The following TRIM9 variants were observed in gnomAD, a reference collection of about 807,000 sequenced individuals.
The protein encoded by TRIM9 is E3 ubiquitin-protein ligase TRIM9.
Under a neutral mutation model 78.3 loss-of-function variants are expected in TRIM9, and 26 were observed. The observed-to-expected ratio is 0.33, with a 90% CI of 0.24 to 0.46. TRIM9 has a LOEUF of 0.46. TRIM9 is among the 20% of genes least tolerant of loss of function. TRIM9 has a pLI of 1.00. For synonymous variants in TRIM9, 398 were observed against 416.5 expected, an observed-to-expected ratio of 0.96 and a Z score of 0.54; for missense variants, 787 against 1,036.4, an observed-to-expected ratio of 0.76 and a Z score of 3.30.
At chr14:50,982,712 G>A (rs987324740) in intron 10 of TRIM9, 10 of 504,376 alleles carry the variant, frequency 2.0e-5, no homozygotes, top group East Asian at 1.2e-4. Context: ...CACAGTTTGC[G>A]TGCTACTCCT....
rs757535792 is a variant in TRIM9, at chr14:51,008,138, T to C, written c.1306+942A>G. Among the ~76,000 whole-genome samples the C allele has an allele frequency of 8.5e-5, 13 of 152,054 alleles. 1 individual carries two copies. Among genetic ancestry groups the C allele is most frequent in the Non-Finnish European group, 1.9e-4 (13 of 67,994 alleles). On this transcript the variant is annotated intron_variant, in intron 5 of 12. Transcript: ENST00000684578. ...GAAAAGATTAGGGGTTTCCAGAGAT[T>C]AGAGTTGGTGGAGGGGAGGGCTATG...
chr14:51,075,056 A>G (rs2062639985), intron 1 of TRIM9, among the ~76,000 whole-genome samples: 1 of 152,228 alleles, frequency 6.6e-6, no homozygotes, highest in South Asian at 2.1e-4. Flanking sequence ...AAACATCAGT[A>G]AGTCTAGATC....
chr14:51,066,126 G>A (rs1167043990), intron 1 of TRIM9, among the ~76,000 whole-genome samples: 2 of 132,056 alleles, frequency 1.5e-5, no homozygotes, highest in Admixed American at 7.6e-5. Context: ...GGAGGGGAGG[G>A]GAGGGGGAGG....
intron 6 of TRIM9, 61 bp from the exon 7 acceptor site, chr14:50,998,249 G>A: frequency 6.5e-7 from 1 of 1,543,606 alleles, no homozygotes; most frequent in Non-Finnish European, 8.9e-7. Context: ...GGCGAGGGAG[G>A]CAGTGTCGCT....
intron 3 of TRIM9, among the ~76,000 whole-genome samples, chr14:51,013,226 ATTTT>A (rs72053355): frequency 3.6e-5 from 5 of 140,034 alleles, no homozygotes; most frequent in Non-Finnish European, 3.1e-5. Flanking sequence ...GTCTAACTTC[ATTTT>A]TTTTTTTTTT....
At chr14:51,052,390 T>C (rs897842027) in intron 1 of TRIM9, among the ~76,000 whole-genome samples, 3 of 152,190 alleles carry the variant, frequency 2.0e-5, no homozygotes, top group African/African-American at 7.2e-5. Flanking sequence ...TTACCTCCTA[T>C]TGTATATCTG....
At chr14:50,980,281 C>G (rs1405704793) in intron 11 of TRIM9, among the ~76,000 whole-genome samples, 2 of 152,116 alleles carry the variant, frequency 1.3e-5, no homozygotes, top group Non-Finnish European at 2.9e-5. Flanking sequence ...CATACAAATG[C>G]CATTTTACAA....
intron 1 of TRIM9, among the ~76,000 whole-genome samples, chr14:51,086,501 G>A (rs1021833759): frequency 2.0e-5 from 3 of 152,158 alleles, no homozygotes; most frequent in African/African-American, 7.2e-5. Flanking sequence ...CTAGTTATTA[G>A]TCTTCCTCTA....
chr14:51,055,344 G>A (rs146824302), intron 1 of TRIM9, among the ~76,000 whole-genome samples: 1 of 152,316 alleles, frequency 6.6e-6, no homozygotes, highest in Non-Finnish European at 1.5e-5. Flanking sequence ...TAAAATGTGT[G>A]TGGTAGGTAG....
intron 3 of TRIM9, among the ~76,000 whole-genome samples, chr14:51,017,737 T>A (rs2057351048): frequency 6.6e-6 from 1 of 152,190 alleles, no homozygotes; most frequent in South Asian, 2.1e-4. Context: ...GTCACCCATA[T>A]CTGGGTTGAA....
At chr14:51,070,658 C>G (rs775196484) in intron 1 of TRIM9, among the ~76,000 whole-genome samples, 1 of 152,044 alleles carries the variant, frequency 6.6e-6, no homozygotes, top group Non-Finnish European at 1.5e-5. Context: ...GATTTTGTAG[C>G]ATTTTGGATT....
intron 1 of TRIM9, among the ~76,000 whole-genome samples, chr14:51,080,536 TA>T (rs34385335): frequency 0.018 from 2,772 of 150,080 alleles, 36 homozygotes; most frequent in Non-Finnish European, 0.026. Context: ...ATGTAAATAA[TA>T]AAAAAAAGGG....
chr14:51,000,972 G>C, intron 5 of TRIM9, 132 bp from the exon 6 acceptor site: 1 of 1,069,914 alleles, frequency 9.3e-7, no homozygotes, highest in Non-Finnish European at 1.4e-6. Context: ...GAACTGAACA[G>C]GATCCTTCAC....
At chr14:50,996,025 G>C (rs2139458630) in intron 7 of TRIM9, 1 of 879,392 alleles carries the variant, frequency 1.1e-6, no homozygotes, top group Non-Finnish European at 1.4e-6. Flanking sequence ...CTCACTGAAT[G>C]TATTAGAATG....
intron 1 of TRIM9, among the ~76,000 whole-genome samples, chr14:51,088,657 A>G (rs1046471639): frequency 2.0e-5 from 3 of 152,178 alleles, no homozygotes; most frequent in African/African-American, 7.2e-5. Flanking sequence ...TAAAAAAAAA[A>G]AAAAATCTCT....
intron 5 of TRIM9, among the ~76,000 whole-genome samples, chr14:51,005,656 G>GT (rs1326927475): frequency 2.0e-5 from 3 of 152,038 alleles, no homozygotes; most frequent in African/African-American, 4.8e-5. Context: ...AGTGGAAAAT[G>GT]TTTTTTTAAT....
intron 5 of TRIM9, among the ~76,000 whole-genome samples, chr14:51,003,907 G>A (rs2055419833): frequency 6.6e-6 from 1 of 152,152 alleles, no homozygotes; most frequent in South Asian, 2.1e-4. Flanking sequence ...AGAAACTCAG[G>A]CTGACATTCT....
At chr14:51,026,286 T>A (rs1433776889) in intron 1 of TRIM9, among the ~76,000 whole-genome samples, 1 of 152,136 alleles carries the variant, frequency 6.6e-6, no homozygotes, top group Non-Finnish European at 1.5e-5. Context: ...GGTGGAGGGA[T>A]GGGAGGGGAA....
intron 1 of TRIM9, among the ~76,000 whole-genome samples, chr14:51,063,545 ACAGT>A (rs1383898733): frequency 5.3e-5 from 8 of 152,158 alleles, no homozygotes; most frequent in African/African-American, 1.4e-4. Flanking sequence ...CATACATATG[ACAGT>A]CAAAGTCCTA....
Sources: allele counts gnomAD v4.1 joint callset (sites outside exome capture counted in the v4.1 genomes callset), GRCh38; gene constraint gnomAD v4.1.1; transcripts MANE v1.5; gene names NCBI Gene and HGNC (gene_info 2026-07-23, HGNC 2026-07-21).